SORCS3: variants seen among roughly 807,000 people sequenced by gnomAD.
SORCS3 encodes VPS10 domain-containing receptor SorCS3.
SORCS3 carries 57 observed loss-of-function variants against 146.3 expected under a neutral mutation model. The observed-to-expected ratio is 0.39, with a 90% CI of 0.31 to 0.49. SORCS3 has a LOEUF of 0.49. Ranked by LOEUF, SORCS3 falls within the 20% of genes least tolerant of loss-of-function variation. The probability of loss-of-function intolerance (pLI) is 0.92; values close to 1 mark genes in which losing one functional copy is unlikely to be tolerated. For missense variants in SORCS3, 1,341 were observed against 1,575.5 expected (o/e 0.85, Z 2.52); for synonymous variants, 653 against 618.5 (o/e 1.06, Z -0.83).
At chr10:105,014,948 T>C (rs996909977) in intron 4 of SORCS3, among the ~76,000 whole-genome samples, 1 of 152,350 alleles carries the variant, frequency 6.6e-6, no homozygotes, top group Non-Finnish European at 1.5e-5. Flanking sequence ...AGTAAATCTC[T>C]GTTGTTTATA....
At chr10:104,833,582 A>T (rs771526975) in intron 1 of SORCS3, among the ~76,000 whole-genome samples, 21 of 152,162 alleles carry the variant, frequency 1.4e-4, no homozygotes, top group Non-Finnish European at 2.5e-4. Context: ...GCATTCATAC[A>T]GGACACAAAT....
At chr10:104,794,622 G>GGAGAGAGAGAGAGAGAGAGAGA (rs371695559) in intron 1 of SORCS3, among the ~76,000 whole-genome samples, 4 of 41,374 alleles carry the variant, frequency 9.7e-5, no homozygotes, top group South Asian at 8.3e-4. Context: ...AGAGAGGGAG[G>GGAGAGAGAGAGAGAGAGAGAGA]GAGAGAGAGA....
intron 9 of SORCS3, among the ~76,000 whole-genome samples, chr10:105,148,589 A>G (rs2056148374): frequency 6.6e-6 from 1 of 152,028 alleles, no homozygotes; most frequent in African/African-American, 2.4e-5. Flanking sequence ...TCATTATCCA[A>G]TATTCACCAG....
chr10:104,773,348 G>C (rs868621775), intron 1 of SORCS3, among the ~76,000 whole-genome samples: 1 of 152,220 alleles, frequency 6.6e-6, no homozygotes, highest in South Asian at 2.1e-4. Flanking sequence ...TTCATTCCCA[G>C]CTGCAGTGGT....
chr10:105,191,566 C>T (rs2056517162), intron 14 of SORCS3, among the ~76,000 whole-genome samples: 1 of 152,106 alleles, frequency 6.6e-6, no homozygotes, highest in Admixed American at 6.5e-5. Context: ...TATTGAATAA[C>T]ATTATTAGAA....
intron 4 of SORCS3, among the ~76,000 whole-genome samples, chr10:105,042,846 A>G (rs995483726): frequency 6.6e-6 from 1 of 152,120 alleles, no homozygotes. Flanking sequence ...CCTCAAAAGT[A>G]TCAGTTGATT....
intron 4 of SORCS3, among the ~76,000 whole-genome samples, chr10:104,985,364 ACTT>A (rs1279686540): frequency 1.3e-5 from 2 of 152,096 alleles, no homozygotes; most frequent in Non-Finnish European, 2.9e-5. Context: ...CAATTTAGTC[ACTT>A]CTTCAGGCTC....
chr10:104,824,075 A>G (rs1325491445), intron 1 of SORCS3, among the ~76,000 whole-genome samples: 2 of 152,184 alleles, frequency 1.3e-5, no homozygotes, highest in African/African-American at 4.8e-5. Flanking sequence ...CCCACAAGGA[A>G]TGTAGAACAC....
chr10:105,087,311 T>C (rs1372240835), intron 5 of SORCS3, among the ~76,000 whole-genome samples: 1 of 152,290 alleles, frequency 6.6e-6, no homozygotes, highest in South Asian at 2.1e-4. Context: ...ACCAGTAGCA[T>C]GTTGTTTGGT....
chr10:105,153,923 A>G (rs2056186508), intron 9 of SORCS3, among the ~76,000 whole-genome samples: 1 of 151,748 alleles, frequency 6.6e-6, no homozygotes, highest in East Asian at 1.9e-4. Context: ...ACAAAAAAAT[A>G]ACTGGGCATA....
At chr10:105,221,963 G>T (rs1010440299) in intron 19 of SORCS3, among the ~76,000 whole-genome samples, 1 of 150,078 alleles carries the variant, frequency 6.7e-6, no homozygotes, top group African/African-American at 2.4e-5. Context: ...AAGGAGTTAG[G>T]AAAGGAGGGA....
At chr10:105,188,293 G>A (rs777128116) in intron 14 of SORCS3, among the ~76,000 whole-genome samples, 1 of 151,948 alleles carries the variant, frequency 6.6e-6, no homozygotes, top group African/African-American at 2.4e-5. Flanking sequence ...TTTTTATAAT[G>A]AGAAAAAGGG....
At chr10:105,172,667 A>T (rs569101902) in intron 13 of SORCS3, among the ~76,000 whole-genome samples, 1 of 152,296 alleles carries the variant, frequency 6.6e-6, no homozygotes, top group East Asian at 1.9e-4. Flanking sequence ...CCTAAAATTC[A>T]TATAACCTGT....
chr10:104,775,136 A>G (rs957568786), intron 1 of SORCS3, among the ~76,000 whole-genome samples: 8 of 152,212 alleles, frequency 5.3e-5, no homozygotes, highest in Non-Finnish European at 1.0e-4. Context: ...GGTATGCAAC[A>G]TGGGATTTGC....
chr10:105,174,831 C>T (rs578138138), intron 13 of SORCS3, among the ~76,000 whole-genome samples: 1 of 152,216 alleles, frequency 6.6e-6, no homozygotes, highest in East Asian at 1.9e-4. Flanking sequence ...ATTTCTCTCC[C>T]CATCTGGACT....
intron 2 of SORCS3, among the ~76,000 whole-genome samples, chr10:104,863,535 C>T (rs1434699747): frequency 2.0e-5 from 3 of 152,202 alleles, no homozygotes; most frequent in African/African-American, 7.2e-5. Context: ...TCTTACTGTG[C>T]ATGGCTTCTT....
intron 1 of SORCS3, among the ~76,000 whole-genome samples, chr10:104,760,907 G>T (rs774004437): frequency 2.1e-5 from 3 of 145,290 alleles, no homozygotes; most frequent in African/African-American, 7.5e-5. Context: ...GACAGATTAC[G>T]TTTTTTTTTT....
intron 6 of SORCS3, among the ~76,000 whole-genome samples, chr10:105,102,935 A>C (rs1381170809): frequency 2.0e-5 from 3 of 151,762 alleles, no homozygotes; most frequent in Non-Finnish European, 4.4e-5. Flanking sequence ...GATTACAGGC[A>C]CATGCTACCA....
chr10:105,256,951 T>C (rs763308711), intron 25 of SORCS3, 27 bp downstream of exon 25: 2 of 1,508,048 alleles, frequency 1.3e-6, no homozygotes, highest in Non-Finnish European at 1.8e-6. Context: ...CTCAATTTAG[T>C]AGTGGGGTTG....
Sources: allele counts gnomAD v4.1 joint callset (sites outside exome capture counted in the v4.1 genomes callset), GRCh38; gene constraint gnomAD v4.1.1; transcripts MANE v1.5; gene names NCBI Gene and HGNC (gene_info 2026-07-23, HGNC 2026-07-21).